The following ZBTB46 variants were observed in gnomAD, a reference collection of about 807,000 sequenced individuals.
ZBTB46 encodes the protein zinc finger and BTB domain-containing protein 46.
A neutral mutation model predicts 44.1 loss-of-function variants in ZBTB46; 8 were observed. The observed-to-expected ratio is 0.18, with a 90% confidence interval of 0.11 to 0.33. ZBTB46 has a LOEUF of 0.33. ZBTB46 is among the 10% of genes least tolerant of loss of function. The pLI, the probability that ZBTB46 is intolerant of heterozygous loss-of-function variation, is 1.00. For missense variants in ZBTB46, 651 were observed against 847.7 expected (o/e 0.77, Z 2.88); for synonymous variants, 409 against 382.3 (o/e 1.07, Z -0.81).
rs887952846 is a variant in ZBTB46, at chr20:63,826,465, G to A, written c.-34+4632C>T. Among the ~76,000 whole-genome samples, 4 of 152,064 alleles carry A rather than the reference G, an allele frequency of 2.6e-5. No homozygotes were observed. In the South Asian group the frequency reaches 8.3e-4, roughly 31 times the overall value. ...TGGCTGGGCACGGTGGCTCATGCCT[G>A]TAATCCCAGCACTTTGGGAGGCCGA... On this transcript the variant is annotated intron_variant, in intron 1 of 4. Coordinates refer to ENST00000245663, the MANE Select transcript of ZBTB46 (RefSeq NM_001369741.1).
At chr20:63,786,664 A>G (rs2145912818) in intron 2 of ZBTB46, among the ~76,000 whole-genome samples, 1 of 152,116 alleles carries the variant, frequency 6.6e-6, no homozygotes, top group East Asian at 1.9e-4. Flanking sequence ...GGCGCGCACC[A>G]CCACGCCCAG....
intron 1 of ZBTB46, among the ~76,000 whole-genome samples, chr20:63,806,794 T>TTG (rs2092684412): frequency 6.6e-6 from 1 of 150,888 alleles, no homozygotes; most frequent in African/African-American, 2.4e-5. Flanking sequence ...TTTTGGTTTT[T>TTG]TTTTTTGAGA....
Position 63,744,761 on chromosome 20 carries a change from A to G in ZBTB46, c.*2169T>C, listed in dbSNP as rs1263336130. 6.6e-6 allele frequency: 1 copy of G among 152,312 alleles called. No homozygotes were observed. Among genetic ancestry groups the G allele is most frequent in the Non-Finnish European group, 1.5e-5 (1 of 68,050 alleles). The allele number at this position is 152,312 out of a possible 1,614,324, so 9.4% of individuals were successfully genotyped here. On this transcript the variant is annotated 3_prime_UTR_variant, in exon 5 of 5. Coordinates refer to ENST00000245663, the MANE Select transcript of ZBTB46 (RefSeq NM_001369741.1). ...GGACACTGTTGGTTTTAGGGAAGAA[A>G]ATGCCCCTGTAGCTCCGGCGGGGAA...
At chr20:63,813,207 G>A (rs181036064) in intron 1 of ZBTB46, among the ~76,000 whole-genome samples, 1 of 152,288 alleles carries the variant, frequency 6.6e-6, no homozygotes, top group South Asian at 2.1e-4. Flanking sequence ...CCAGCACTTT[G>A]GGAGGCTGAG....
chr20:63,802,842 C>G (rs4809347), intron 1 of ZBTB46, among the ~76,000 whole-genome samples: 3 of 148,022 alleles, frequency 2.0e-5, no homozygotes, highest in African/African-American at 7.5e-5. Flanking sequence ...CCGCCGCGGC[C>G]GACGACCGAA....
chr20:63,825,373 C>T (rs1420216632), intron 1 of ZBTB46, among the ~76,000 whole-genome samples: 1 of 147,790 alleles, frequency 6.8e-6, no homozygotes, highest in Non-Finnish European at 1.5e-5. Context: ...TGCACTCCAG[C>T]CTGGGGGACA....
At chr20:63,766,609 C>T (rs919960016) in intron 3 of ZBTB46, among the ~76,000 whole-genome samples, 5 of 152,124 alleles carry the variant, frequency 3.3e-5, no homozygotes, top group African/African-American at 1.2e-4. Context: ...AAAGAGGCGT[C>T]TGGCAGCTCA....
intron 1 of ZBTB46, among the ~76,000 whole-genome samples, chr20:63,802,589 G>A (rs571390197): frequency 8.5e-4 from 129 of 151,402 alleles, no homozygotes; most frequent in South Asian, 3.6e-3. Flanking sequence ...AGAAACCGCG[G>A]CGGGCCGACA....
chr20:63,823,858 T>TGTGTGTGTGTGTGTGTGTGTGTGTG (rs1555859083), intron 1 of ZBTB46, among the ~76,000 whole-genome samples: 2 of 144,718 alleles, frequency 1.4e-5, no homozygotes, highest in Non-Finnish European at 3.0e-5. Context: ...TCTAGGAACC[T>TGTGTGTGTGTGTGTGTGTGTGTGTG]TGTGTGTGTG....
chr20:63,831,345 G>A (rs1167049521), upstream of ZBTB46: 2 of 138,074 alleles, frequency 1.4e-5, no homozygotes, highest in African/African-American at 2.6e-5. Context: ...CCCGCCCCCC[G>A]GCGCGCGCCC....
At chr20:63,751,368 C>G (rs932496230) in intron 4 of ZBTB46, among the ~76,000 whole-genome samples, 6 of 152,186 alleles carry the variant, frequency 3.9e-5, no homozygotes, top group Non-Finnish European at 5.9e-5. Context: ...TCAGGGAAGG[C>G]CAGAGCCCAG....
chr20:63,815,812 ATAGGTGCAGTGAGTG>A (rs1313926035), intron 1 of ZBTB46, among the ~76,000 whole-genome samples: 1 of 137,658 alleles, frequency 7.3e-6, no homozygotes, highest in African/African-American at 2.8e-5. Flanking sequence ...ACAGATGGGC[ATAGGTGCAGTGAGTG>A]CAGGTGAGCA....
chr20:63,782,340 A>G (rs1388277335), intron 2 of ZBTB46, among the ~76,000 whole-genome samples: 1 of 152,106 alleles, frequency 6.6e-6, no homozygotes, highest in African/African-American at 2.4e-5. Flanking sequence ...AGGAGGCAGG[A>G]GGGTGACAGA....
intron 2 of ZBTB46, among the ~76,000 whole-genome samples, chr20:63,788,648 G>A (rs992133220): frequency 6.6e-6 from 1 of 151,986 alleles, no homozygotes; most frequent in Non-Finnish European, 1.5e-5. Context: ...AGACCATCCT[G>A]GCCAACATGG....
intron 3 of ZBTB46, 69 bp downstream of exon 3, chr20:63,775,609 C>A: frequency 6.7e-7 from 1 of 1,503,230 alleles, no homozygotes; most frequent in Non-Finnish European, 8.9e-7. Context: ...CTCATCTTGG[C>A]CCGGGACCTG....
intron 1 of ZBTB46, among the ~76,000 whole-genome samples, chr20:63,799,761 G>A (rs1157328435): frequency 2.0e-5 from 3 of 152,282 alleles, no homozygotes; most frequent in East Asian, 1.9e-4. Flanking sequence ...AAGTGCGCCC[G>A]GAACCACAGC....
At chr20:63,797,433 T>C (rs1601492640) in intron 1 of ZBTB46, among the ~76,000 whole-genome samples, 2 of 152,222 alleles carry the variant, frequency 1.3e-5, no homozygotes, top group East Asian at 1.9e-4. Flanking sequence ...TCCAAGTCTT[T>C]ACTATCGTGA....
intron 1 of ZBTB46, among the ~76,000 whole-genome samples, chr20:63,818,059 C>T (rs2092770254): frequency 6.6e-6 from 1 of 152,244 alleles, no homozygotes; most frequent in Non-Finnish European, 1.5e-5. Flanking sequence ...CACGGCACCA[C>T]GCTCTGAGTG....
At chr20:63,808,994 A>AAG (rs1264522843) in intron 1 of ZBTB46, among the ~76,000 whole-genome samples, 28 of 144,364 alleles carry the variant, frequency 1.9e-4, no homozygotes, top group South Asian at 4.2e-4. Context: ...AAAAAAAAAA[A>AAG]AAAAAGAAAA....
Sources: allele counts gnomAD v4.1 joint callset (sites outside exome capture counted in the v4.1 genomes callset), GRCh38; gene constraint gnomAD v4.1.1; transcripts MANE v1.5; gene names NCBI Gene and HGNC (gene_info 2026-07-23, HGNC 2026-07-21).